MGAT4C: variants seen among roughly 807,000 people sequenced by gnomAD.
The protein encoded by MGAT4C is alpha-1,3-mannosyl-glycoprotein 4-beta-N-acetylglucosaminyltransferase C.
In MGAT4C, 19 loss-of-function variants were observed where a neutral mutation model predicts 40.1. The ratio of observed to expected loss-of-function variants is 0.47; its 90% CI spans 0.33 to 0.70. The LOEUF is 0.70. Ranked by LOEUF, MGAT4C falls within the 30% of genes least tolerant of loss-of-function variation. The pLI, the probability that MGAT4C is intolerant of heterozygous loss-of-function variation, is 0.02. For synonymous variants in MGAT4C, 181 were observed against 187.1 expected (o/e 0.97, Z 0.27); for missense variants, 491 against 563.2 (o/e 0.87, Z 1.30).
intron 1 of MGAT4C, among the ~76,000 whole-genome samples, chr12:86,807,022 A>T (rs28759399): frequency 0.35 from 50,610 of 145,842 alleles, 9,553 homozygotes; most frequent in Admixed American, 0.47. Context: ...TATATATATA[A>T]ATAAAAAATA....
chr12:86,384,245 T>A (rs1364967893), intron 3 of MGAT4C, among the ~76,000 whole-genome samples: 2 of 152,218 alleles, frequency 1.3e-5, no homozygotes, highest in African/African-American at 4.8e-5. Context: ...AGTACTCACA[T>A]GCATCTCCTA....
intron 2 of MGAT4C, among the ~76,000 whole-genome samples, chr12:86,659,494 A>T (rs1963929613): frequency 6.6e-6 from 1 of 152,144 alleles, no homozygotes; most frequent in Admixed American, 6.6e-5. Context: ...CAATCAGGAC[A>T]GGGAAACTAT....
intron 2 of MGAT4C, among the ~76,000 whole-genome samples, chr12:86,660,308 A>T (rs993645871): frequency 6.6e-6 from 1 of 152,204 alleles, no homozygotes; most frequent in Admixed American, 6.5e-5. Context: ...ACTGTGGATG[A>T]TTGATGCCTT....
intron 1 of MGAT4C, among the ~76,000 whole-genome samples, chr12:86,731,360 T>C (rs373685932): frequency 6.6e-6 from 1 of 152,200 alleles, no homozygotes; most frequent in East Asian, 1.9e-4. Flanking sequence ...CACAGTGGTT[T>C]TCTCTAAGAA....
Position 86,175,711 on chromosome 12 carries a change from G to A in MGAT4C, c.-57+80528C>T, listed in dbSNP as rs540861492. Among the ~76,000 whole-genome samples, 4 of 150,204 alleles carry A rather than the reference G, an allele frequency of 2.7e-5. No individual in the cohort carries two copies. In the South Asian group the frequency reaches 8.4e-4, roughly 31 times the overall value. ...TCATGCCTGTAATCCCAGCACTTTG[G>A]GAGGCCGAGGCGGGCGGATCACGAG... is the stretch of plus-strand genomic sequence containing the variant. On this transcript the variant is annotated intron_variant, in intron 1 of 4. Transcript: ENST00000611864.
chr12:86,659,701 C>T (rs760696238), intron 2 of MGAT4C, among the ~76,000 whole-genome samples: 5 of 152,006 alleles, frequency 3.3e-5, no homozygotes, highest in Non-Finnish European at 7.4e-5. Flanking sequence ...TCTTTTTCCC[C>T]ATCCATGGCT....
chr12:86,489,798 C>T (rs1019231536), intron 2 of MGAT4C, among the ~76,000 whole-genome samples: 6 of 151,760 alleles, frequency 4.0e-5, no homozygotes, highest in African/African-American at 1.5e-4. Context: ...GGAGCCGATG[C>T]GATCAACTGG....
chr12:86,440,108 T>A (rs1957201468), intron 2 of MGAT4C, among the ~76,000 whole-genome samples: 1 of 152,116 alleles, frequency 6.6e-6, no homozygotes, highest in South Asian at 2.1e-4. Context: ...AGAGGGAATA[T>A]TCCTAACTCA....
At chr12:86,090,633 G>A (rs1872717793) in intron 1 of MGAT4C, among the ~76,000 whole-genome samples, 3 of 151,802 alleles carry the variant, frequency 2.0e-5, no homozygotes, top group East Asian at 3.9e-4. Context: ...AGAGTGACAG[G>A]TTTAGTTCAA....
chr12:86,743,382 G>T (rs1951103836), intron 1 of MGAT4C, among the ~76,000 whole-genome samples: 1 of 151,420 alleles, frequency 6.6e-6, no homozygotes, highest in Middle Eastern at 3.4e-3. Context: ...ATAACTTATG[G>T]TACATATACA....
intron 1 of MGAT4C, among the ~76,000 whole-genome samples, chr12:86,745,822 C>T (rs548569726): frequency 6.6e-6 from 1 of 151,590 alleles, no homozygotes; most frequent in South Asian, 2.1e-4. Flanking sequence ...GACTGAATAC[C>T]CCCACATGAA....
intron 2 of MGAT4C, among the ~76,000 whole-genome samples, chr12:86,493,902 G>A (rs1958185507): frequency 1.3e-5 from 2 of 152,052 alleles, no homozygotes; most frequent in Non-Finnish European, 2.9e-5. Context: ...TGCATATGCT[G>A]AGAATGTGTA....
chr12:86,410,488 C>A (rs192881794), intron 3 of MGAT4C, among the ~76,000 whole-genome samples: 1 of 152,084 alleles, frequency 6.6e-6, no homozygotes, highest in Non-Finnish European at 1.5e-5. Context: ...CTATTCTGCC[C>A]GACCACACAG....
At chr12:86,226,767 T>C (rs550674082) in intron 1 of MGAT4C, among the ~76,000 whole-genome samples, 118 of 152,050 alleles carry the variant, frequency 7.8e-4, no homozygotes, top group Admixed American at 1.4e-3. Context: ...GTTGGACTCC[T>C]CCTTTCTTTT....
intron 1 of MGAT4C, among the ~76,000 whole-genome samples, chr12:86,751,150 A>G (rs1951226471): frequency 6.6e-6 from 1 of 152,024 alleles, no homozygotes; most frequent in Admixed American, 6.6e-5. Context: ...AATAGTTCCA[A>G]CAAAATCCAC....
intron 2 of MGAT4C, among the ~76,000 whole-genome samples, chr12:86,651,840 A>G (rs1370659045): frequency 3.3e-5 from 5 of 151,882 alleles, no homozygotes; most frequent in Non-Finnish European, 1.5e-5. Flanking sequence ...AATAATTTAT[A>G]TTCATAGACA....
intron 2 of MGAT4C, among the ~76,000 whole-genome samples, chr12:86,486,376 GCACACACACACACACA>G (rs59222713): frequency 1.1e-4 from 16 of 140,100 alleles, no homozygotes; most frequent in East Asian, 4.3e-4. Flanking sequence ...GATCTATCAT[GCACACACACACACACA>G]CACACACACA....
intron 1 of MGAT4C, among the ~76,000 whole-genome samples, chr12:86,086,747 CT>C (rs1369436084): frequency 6.6e-6 from 1 of 151,864 alleles, no homozygotes; most frequent in Non-Finnish European, 1.5e-5. Context: ...CTTTAATGTG[CT>C]ACTGTACACT....
chr12:86,300,478 G>A (rs529579083), intron 4 of MGAT4C, among the ~76,000 whole-genome samples: 1 of 152,050 alleles, frequency 6.6e-6, no homozygotes, highest in South Asian at 2.1e-4. Context: ...TATATATAGA[G>A]TACATATTTT....
Sources: allele counts gnomAD v4.1 joint callset (sites outside exome capture counted in the v4.1 genomes callset), GRCh38; gene constraint gnomAD v4.1.1; transcripts MANE v1.5; gene names NCBI Gene and HGNC (gene_info 2026-07-23, HGNC 2026-07-21).